The following PPARGC1A variants were observed in gnomAD, a reference collection of about 807,000 sequenced individuals.
PPARGC1A encodes the protein peroxisome proliferator-activated receptor gamma coactivator 1-alpha.
A neutral mutation model predicts 88.7 loss-of-function variants in PPARGC1A; 25 were observed. The ratio of observed to expected loss-of-function variants is 0.28; its 90% confidence interval spans 0.21 to 0.39. The LOEUF is 0.39. Ranked by LOEUF, PPARGC1A falls within the 10% of genes least tolerant of loss-of-function variation. The pLI is 1.00. For missense variants in PPARGC1A, 880 were observed against 968.7 expected (o/e 0.91, Z 1.22); for synonymous variants, 363 against 355.6 (o/e 1.02, Z -0.24).
the PPARGC1A span, among the ~76,000 whole-genome samples, chr4:24,269,804 G>T: frequency 7.2e-5 from 11 of 152,162 alleles, no homozygotes; most frequent in Non-Finnish European, 1.6e-4. Context: ...AAAGTCCTCA[G>T]TTCAAGGCCT....
the PPARGC1A span, among the ~76,000 whole-genome samples, chr4:24,103,595 CAA>C: frequency 2.0e-4 from 24 of 121,566 alleles, no homozygotes; most frequent in African/African-American, 2.9e-4. Context: ...TGCCTTCTTC[CAA>C]AAAAAAAAAA....
At chr4:24,030,040 G>T in the PPARGC1A span, among the ~76,000 whole-genome samples, 1 of 152,156 alleles carries the variant, frequency 6.6e-6, no homozygotes, top group African/African-American at 2.4e-5. Context: ...CTTTACAAGT[G>T]AAGTGAAATA....
At chr4:24,277,393 T>C in the PPARGC1A span, among the ~76,000 whole-genome samples, 1 of 152,134 alleles carries the variant, frequency 6.6e-6, no homozygotes, top group Non-Finnish European at 1.5e-5. Flanking sequence ...CCCAACTGTT[T>C]CCCAAGCAGC....
the PPARGC1A span, among the ~76,000 whole-genome samples, chr4:24,070,866 C>T: frequency 6.6e-6 from 1 of 152,172 alleles, no homozygotes; most frequent in African/African-American, 2.4e-5. Context: ...CAGTCATGTT[C>T]ACTGGTTTAC....
chr4:23,999,023 G>C, the PPARGC1A span, among the ~76,000 whole-genome samples: 1 of 152,200 alleles, frequency 6.6e-6, no homozygotes, highest in Non-Finnish European at 1.5e-5. Context: ...ACAATAAAAA[G>C]AGGAATCTGT....
At chr4:23,974,799 A>ATTTTTTTTTTTTTTTTTTTTTTTTTTTTT in the PPARGC1A span, among the ~76,000 whole-genome samples, 6 of 61,124 alleles carry the variant, frequency 9.8e-5, no homozygotes, top group Admixed American at 3.3e-4. Flanking sequence ...GGCCCGGCTA[A>ATTTTTTTTTTTTTTTTTTTTTTTTTTTTT]TTTTTTTTTT....
At chr4:24,068,002 T>TTGTG in the PPARGC1A span, among the ~76,000 whole-genome samples, 6 of 151,232 alleles carry the variant, frequency 4.0e-5, no homozygotes, top group Non-Finnish European at 8.9e-5. Flanking sequence ...ATGTGTGTGC[T>TTGTG]TGTGTGTGTG....
At chr4:24,387,496 C>T in the PPARGC1A span, among the ~76,000 whole-genome samples, 218 of 152,112 alleles carry the variant, frequency 1.4e-3, 1 homozygote, top group Non-Finnish European at 1.5e-3. Context: ...TAGGCTGAGG[C>T]GGGTGGATCA....
chr4:24,437,687 G>A, the PPARGC1A span, among the ~76,000 whole-genome samples: 22 of 148,732 alleles, frequency 1.5e-4, no homozygotes, highest in South Asian at 3.0e-3. Context: ...TTTTCTTTTC[G>A]AGATGGAGTT....
the PPARGC1A span, among the ~76,000 whole-genome samples, chr4:24,070,868 C>T: frequency 2.0e-5 from 3 of 152,166 alleles, no homozygotes; most frequent in Non-Finnish European, 2.9e-5. Context: ...GTCATGTTCA[C>T]TGGTTTACAT....
the PPARGC1A span, among the ~76,000 whole-genome samples, chr4:24,126,116 A>G: frequency 6.6e-6 from 1 of 152,156 alleles, no homozygotes; most frequent in Non-Finnish European, 1.5e-5. Flanking sequence ...TGTCCATTGT[A>G]AGTAGCAGAA....
At chr4:24,232,328 A>C in the PPARGC1A span, among the ~76,000 whole-genome samples, 1 of 152,224 alleles carries the variant, frequency 6.6e-6, no homozygotes, top group Admixed American at 6.5e-5. Context: ...ACATCCGTTT[A>C]ACTAGTGATG....
At chr4:24,067,784 T>A in the PPARGC1A span, among the ~76,000 whole-genome samples, 1 of 152,166 alleles carries the variant, frequency 6.6e-6, no homozygotes, top group Non-Finnish European at 1.5e-5. Context: ...GGAGTTCCCA[T>A]CTCGAGCACT....
the PPARGC1A span, among the ~76,000 whole-genome samples, chr4:24,140,108 C>A: frequency 0.038 from 5,858 of 152,204 alleles, 387 homozygotes; most frequent in African/African-American, 0.13. Context: ...CCAAAACCCG[C>A]CTTTGATGTC....
chr4:24,319,513 T>G, the PPARGC1A span, among the ~76,000 whole-genome samples: 1 of 152,156 alleles, frequency 6.6e-6, no homozygotes, highest in Non-Finnish European at 1.5e-5. Context: ...CTTAGTTAGC[T>G]TGGGCCATAA....
chr4:24,059,316 C>T, the PPARGC1A span, among the ~76,000 whole-genome samples: 3 of 152,182 alleles, frequency 2.0e-5, no homozygotes, highest in Admixed American at 6.5e-5. Flanking sequence ...ATTTGTCCAA[C>T]GTATCAATGC....
chr4:24,324,423 A>G, the PPARGC1A span, among the ~76,000 whole-genome samples: 1 of 151,680 alleles, frequency 6.6e-6, no homozygotes, highest in Non-Finnish European at 1.5e-5. Context: ...GGAGGGCAAG[A>G]ACCCCCCACC....
chr4:24,424,610 G>C, the PPARGC1A span, among the ~76,000 whole-genome samples: 1 of 152,024 alleles, frequency 6.6e-6, no homozygotes, highest in African/African-American at 2.4e-5. Flanking sequence ...TCTGGAAATC[G>C]GAGAGTGAAG....
At chr4:24,428,293 G>A in the PPARGC1A span, among the ~76,000 whole-genome samples, 2 of 152,164 alleles carry the variant, frequency 1.3e-5, no homozygotes, top group African/African-American at 4.8e-5. Flanking sequence ...TGCTGGCAGA[G>A]AGAATGGCCA....
Sources: gnomAD v4.1 joint callset for allele counts (sites outside exome capture counted in the v4.1 genomes callset) on GRCh38, gnomAD v4.1.1 for gene constraint, MANE v1.5 for transcripts, NCBI Gene and HGNC (gene_info 2026-07-23, HGNC 2026-07-21) for gene names.